NEK6: variants seen among roughly 807,000 people sequenced by gnomAD.
NEK6 encodes NIMA related kinase 6.
In NEK6, 27 loss-of-function variants were observed where a neutral mutation model predicts 43.5. The observed-to-expected ratio is 0.62, with a 90% CI of 0.46 to 0.86. The LOEUF (loss-of-function observed/expected upper bound fraction) is 0.86, where lower values mean the gene tolerates loss of function less well. Among genes scored for constraint, NEK6 ranks in the 40% least tolerant of loss-of-function variants. The pLI is 0.00. For synonymous variants in NEK6, 167 were observed against 164.1 expected (o/e 1.02, Z -0.14); for missense variants, 318 against 414.4 (o/e 0.77, Z 2.02).
At chr9:124,313,795 G>GC in intron 3 of NEK6, 128 bp from the exon 4 acceptor site, 1 of 853,302 alleles carries the variant, frequency 1.2e-6, no homozygotes, top group East Asian at 2.7e-5. Flanking sequence ...GGGAGTGCAG[G>GC]GGGGGGTCAC....
chr9:124,283,836 A>G (rs1014402394), intron 1 of NEK6, among the ~76,000 whole-genome samples: 3 of 152,200 alleles, frequency 2.0e-5, no homozygotes, highest in African/African-American at 7.2e-5. Flanking sequence ...GACTGCACGC[A>G]CATTTTCTTG....
intron 1 of NEK6, among the ~76,000 whole-genome samples, chr9:124,295,093 G>A (rs1832618388): frequency 6.6e-6 from 1 of 152,226 alleles, no homozygotes; most frequent in South Asian, 2.1e-4. Flanking sequence ...CCACCCTGGG[G>A]GAGGCCCCAC....
In NEK6 at chr9:124,313,868, G is replaced by T. The variant is rs1259390499; in HGVS notation, c.232-55G>T. 3.1e-6 allele frequency: 5 copies of T among 1,594,890 alleles called. No individual in the cohort carries two copies. In the South Asian group the frequency reaches 5.5e-5, roughly 18 times the overall value. ...GAAAGCAGACCCCGTGGCCTCCTTT[G>T]GGTCACTGGACACAGATTGTAACCA... On this transcript the variant is annotated intron_variant, in intron 3 of 9. Transcript: ENST00000320246.
intron 7 of NEK6, among the ~76,000 whole-genome samples, chr9:124,333,840 C>T (rs550945106): frequency 1.5e-3 from 209 of 141,852 alleles, no homozygotes; most frequent in African/African-American, 5.3e-3. Flanking sequence ...TGCAGTGGTG[C>T]GATCTCGGCT....
chr9:124,310,356 G>C (rs1350488153), intron 2 of NEK6, among the ~76,000 whole-genome samples: 1 of 152,258 alleles, frequency 6.6e-6, no homozygotes, highest in East Asian at 1.9e-4. Flanking sequence ...TGGGTGCTCT[G>C]TGTACAGGTG....
At chr9:124,313,305 G>A (rs757988896) in intron 3 of NEK6, among the ~76,000 whole-genome samples, 3 of 152,124 alleles carry the variant, frequency 2.0e-5, no homozygotes, top group Non-Finnish European at 2.9e-5. Context: ...GAGAACACCC[G>A]CAGCTTCAGG....
chr9:124,342,552 G>A (rs1427208709), intron 8 of NEK6, among the ~76,000 whole-genome samples: 5 of 152,220 alleles, frequency 3.3e-5, no homozygotes, highest in African/African-American at 1.2e-4. Flanking sequence ...GAAGGCCCTC[G>A]GGCCTGTCCA....
intron 1 of NEK6, chr9:124,300,027 G>A (rs761089815): frequency 1.3e-5 from 2 of 152,376 alleles, no homozygotes; most frequent in Non-Finnish European, 2.9e-5. Flanking sequence ...TCTGTGGAAG[G>A]TGTGGGGCAG....
chr9:124,265,922 G>T (rs997638365), intron 1 of NEK6: 4 of 152,250 alleles, frequency 2.6e-5, no homozygotes, highest in Non-Finnish European at 5.9e-5. Context: ...CCACCCATTG[G>T]CCTCTCACCA....
chr9:124,264,193 G>T (rs1025170112), intron 1 of NEK6, among the ~76,000 whole-genome samples: 1 of 152,212 alleles, frequency 6.6e-6, no homozygotes, highest in Admixed American at 6.5e-5. Context: ...TCCTGAGCCG[G>T]TGGAGAGATC....
intron 8 of NEK6, among the ~76,000 whole-genome samples, chr9:124,341,233 G>A (rs909238723): frequency 7.2e-5 from 11 of 152,126 alleles, no homozygotes; most frequent in Admixed American, 3.9e-4. Flanking sequence ...TGGTAGAGAC[G>A]GGGTTTCACC....
intron 1 of NEK6, among the ~76,000 whole-genome samples, chr9:124,289,243 T>A (rs944215407): frequency 8.0e-6 from 1 of 125,386 alleles, no homozygotes; most frequent in African/African-American, 3.0e-5. Context: ...ACACACTCCA[T>A]CTGCTCCTTC....
intron 1 of NEK6, among the ~76,000 whole-genome samples, chr9:124,290,019 A>G (rs1832340922): frequency 6.6e-6 from 1 of 152,222 alleles, no homozygotes; most frequent in African/African-American, 2.4e-5. Flanking sequence ...GGATCCTGGT[A>G]AGGAGAGCGA....
chr9:124,348,036 G>C (rs1304126341), intron 9 of NEK6, among the ~76,000 whole-genome samples: 1 of 152,230 alleles, frequency 6.6e-6, no homozygotes, highest in East Asian at 1.9e-4. Flanking sequence ...GGGACCCCCA[G>C]GTAGGAACCA....
At chr9:124,330,365 A>C (rs1453162854) in intron 7 of NEK6, among the ~76,000 whole-genome samples, 1 of 152,240 alleles carries the variant, frequency 6.6e-6, no homozygotes, top group Non-Finnish European at 1.5e-5. Flanking sequence ...CACAAGCTAC[A>C]AGCAAGTGTC....
intron 8 of NEK6, among the ~76,000 whole-genome samples, chr9:124,341,720 G>A (rs984007003): frequency 1.3e-5 from 2 of 152,038 alleles, no homozygotes; most frequent in Admixed American, 6.5e-5. Flanking sequence ...GGCGGCGAGT[G>A]TTGAGCAGGG....
Position 124,352,414 on chromosome 9 carries a change from G to A in NEK6, c.*1467G>A, listed in dbSNP as rs752123286. 6.6e-6 allele frequency: 1 copy of A among 152,224 alleles called. No individual in the cohort carries two copies. Among genetic ancestry groups the A allele is most frequent in the Non-Finnish European group, 1.5e-5 (1 of 68,042 alleles). The allele number at this position is 152,224 out of a possible 1,614,324, so 9.4% of individuals were successfully genotyped here. ...TTGAAATAAAACAGGGTGACTGGGA[G>A]TTACTTAGAATTCATGAAGATTTTA... is the stretch of plus-strand genomic sequence containing the variant. On this transcript the variant is annotated 3_prime_UTR_variant, in exon 10 of 10. Coordinates refer to ENST00000320246, the MANE Select transcript of NEK6 (RefSeq NM_014397.6).
At chr9:124,273,654 C>T (rs990745315) in intron 1 of NEK6, among the ~76,000 whole-genome samples, 2 of 152,184 alleles carry the variant, frequency 1.3e-5, no homozygotes, top group Admixed American at 6.5e-5. Flanking sequence ...AAGAAACAGC[C>T]GTGCTCTGCA....
Position 124,351,830 on chromosome 9 carries a change from A to C in NEK6, c.*883A>C, listed in dbSNP as rs999458565. 23 of 152,380 alleles carry C rather than the reference A, an allele frequency of 1.5e-4. No individual in the cohort carries two copies. Among genetic ancestry groups the C allele is most frequent in the African/African-American group, 5.1e-4 (21 of 41,580 alleles). 9.4% of individuals were successfully genotyped at this position (152,380 alleles called of 1,614,324 possible). ...ATTTCCTCATCTGTACAATGAGATT[A>C]ATAGTACCTATCATCTACCTTCAGG... On this transcript the variant is annotated 3_prime_UTR_variant, in exon 10 of 10. Coordinates refer to ENST00000320246, the MANE Select transcript of NEK6 (RefSeq NM_014397.6).
Sources: gnomAD v4.1 joint callset for allele counts (sites outside exome capture counted in the v4.1 genomes callset) on GRCh38, gnomAD v4.1.1 for gene constraint, MANE v1.5 for transcripts, NCBI Gene and HGNC (gene_info 2026-07-23, HGNC 2026-07-21) for gene names.